The following PPP1R14D variants were observed in gnomAD, a reference collection of about 807,000 sequenced individuals.
The protein encoded by PPP1R14D is protein phosphatase 1 regulatory inhibitor subunit 14D, also known as protein phosphatase 1 regulatory subunit 14D.
PPP1R14D carries 14 observed loss-of-function variants against 17.1 expected under a neutral mutation model. The observed-to-expected ratio is 0.82, with a 90% confidence interval of 0.54 to 1.28. The LOEUF (loss-of-function observed/expected upper bound fraction) is 1.28. PPP1R14D is among the 50% of genes most tolerant of loss of function. The pLI is 0.00. For missense variants in PPP1R14D, 173 were observed against 179.2 expected, an observed-to-expected ratio of 0.97 and a Z score of 0.20; for synonymous variants, 67 against 66.1, an observed-to-expected ratio of 1.01 and a Z score of -0.06.
At chr15:40,823,797 TTTCACAGAA>T (rs1159633341) in intron 1 of PPP1R14D, among the ~76,000 whole-genome samples, 36 of 152,178 alleles carry the variant, frequency 2.4e-4, no homozygotes, top group African/African-American at 7.9e-4. Context: ...CAATGTAGCA[TTTCACAGAA>T]TGTATCCCTG....
intron 1 of PPP1R14D, among the ~76,000 whole-genome samples, chr15:40,821,393 T>A (rs1436043583): frequency 6.6e-6 from 1 of 151,696 alleles, no homozygotes; most frequent in Non-Finnish European, 1.5e-5. Context: ...TTGCATATTT[T>A]AAATGTAAAC....
chr15:40,818,288 CAAAAAAAAAAAA>C (rs764375543), intron 1 of PPP1R14D, among the ~76,000 whole-genome samples: 3 of 37,124 alleles, frequency 8.1e-5, no homozygotes, highest in Admixed American at 2.7e-4. Flanking sequence ...GACTCCATCT[CAAAAAAAAAAAA>C]AAAAAAAAAA....
intron 1 of PPP1R14D, among the ~76,000 whole-genome samples, chr15:40,827,455 C>T (rs993663672): frequency 6.6e-6 from 1 of 151,960 alleles, no homozygotes; most frequent in Non-Finnish European, 1.5e-5. Context: ...TTGCAGTGAG[C>T]CAAAATCACG....
chr15:40,827,120 C>T (rs1250335425), intron 1 of PPP1R14D, among the ~76,000 whole-genome samples: 2 of 152,234 alleles, frequency 1.3e-5, no homozygotes, highest in African/African-American at 2.4e-5. Context: ...ACATTCTAGT[C>T]CCGCACTGTC....
intron 1 of PPP1R14D, among the ~76,000 whole-genome samples, chr15:40,822,458 C>CTT (rs951273824): frequency 6.9e-6 from 1 of 145,746 alleles, no homozygotes; most frequent in African/African-American, 2.5e-5. Flanking sequence ...AGACCAGATT[C>CTT]TTTTTTTTTT....
chr15:40,816,221 G>A lies in PPP1R14D; in HGVS notation c.288C>T (p.Asp96=). Residue 96 remains aspartate, a synonymous_variant, in exon 2 of 4, where the codon GAC becomes GAT. Coordinates refer to ENST00000299174, the MANE Select transcript of PPP1R14D (RefSeq NM_017726.8). ...TGGATAGATCCATGAGAGCTTCCAG[G>A]TCAATCTCAGGCTCAGAAGGGGTTG... is the stretch of plus-strand genomic sequence containing the variant. ...DQATPSEPEI[D]LEALMDLSTE... is the part of the protein sequence containing the mutation. 6.2e-7 allele frequency: 1 copy of A among 1,614,102 alleles called. No homozygotes were observed. Among genetic ancestry groups the A allele is most frequent in the Non-Finnish European group, 8.5e-7 (1 of 1,180,032 alleles).
At chr15:40,826,526 G>GT (rs1217835479) in intron 1 of PPP1R14D, among the ~76,000 whole-genome samples, 5 of 152,094 alleles carry the variant, frequency 3.3e-5, no homozygotes, top group African/African-American at 7.2e-5. Flanking sequence ...CAGGGCATCT[G>GT]TTTTTTTTCT....
chr15:40,816,110 G>A (rs1443857612), intron 2 of PPP1R14D, 60 bp downstream of exon 2: 4 of 1,600,694 alleles, frequency 2.5e-6, no homozygotes, highest in South Asian at 1.1e-5. Flanking sequence ...ACCAAAGGAG[G>A]CAGAACCTGG....
At chr15:40,828,361 C>T in intron 1 of PPP1R14D, 26 bp downstream of exon 1, 1 of 1,551,378 alleles carries the variant, frequency 6.4e-7, no homozygotes, top group Non-Finnish European at 8.7e-7. Flanking sequence ...CCCCCATCTC[C>T]TCCCACTATC....
intron 1 of PPP1R14D, among the ~76,000 whole-genome samples, chr15:40,820,935 G>A (rs1890765276): frequency 6.6e-6 from 1 of 151,202 alleles, no homozygotes; most frequent in Admixed American, 6.6e-5. Flanking sequence ...CCTTAATCTC[G>A]GCACTTTGGT....
chr15:40,824,952 A>C (rs1890845436), intron 1 of PPP1R14D, among the ~76,000 whole-genome samples: 1 of 152,094 alleles, frequency 6.6e-6, no homozygotes, highest in Non-Finnish European at 1.5e-5. Context: ...GAGTGTGGAC[A>C]AGTCCTTTAA....
intron 1 of PPP1R14D, among the ~76,000 whole-genome samples, chr15:40,826,228 C>T (rs1402467795): frequency 6.6e-6 from 1 of 152,110 alleles, no homozygotes; most frequent in Non-Finnish European, 1.5e-5. Flanking sequence ...TGACACATGA[C>T]CCAGTTAGTT....
At chr15:40,827,221 C>T (rs1457222449) in intron 1 of PPP1R14D, among the ~76,000 whole-genome samples, 1 of 152,214 alleles carries the variant, frequency 6.6e-6, no homozygotes, top group African/African-American at 2.4e-5. Flanking sequence ...AGATGTGGCC[C>T]ATGTTGGCTG....
At chr15:40,825,228 T>G (rs550985498) in intron 1 of PPP1R14D, among the ~76,000 whole-genome samples, 384 of 149,636 alleles carry the variant, frequency 2.6e-3, no homozygotes, top group Middle Eastern at 0.014. Flanking sequence ...GAGGTTGCAG[T>G]GAGCCAAGGT....
At chr15:40,821,172 TA>T (rs1473091072) in intron 1 of PPP1R14D, among the ~76,000 whole-genome samples, 1 of 151,770 alleles carries the variant, frequency 6.6e-6, no homozygotes, top group Admixed American at 6.6e-5. Flanking sequence ...CCATCTCTAC[TA>T]AAAATACAAA....
Position 40,821,045 on chromosome 15 carries a change from A to C in PPP1R14D, c.256-4792T>G, listed in dbSNP as rs906336317. Among the ~76,000 whole-genome samples, 10 of 151,582 alleles carry C rather than the reference A, an allele frequency of 6.6e-5. No individual in the cohort carries two copies. The Admixed American group carries it at 6.6e-4, about 10-fold the overall frequency. On this transcript the variant is annotated intron_variant, in intron 1 of 3. Transcript: ENST00000299174. Reference sequence around the variant, plus strand: ...CATTAAAAAAAAAATAAGAAGAAAAAAAAAGAACCAGGCCGGGTGCCGTGG... The same window carrying C: ...CATTAAAAAAAAAATAAGAAGAAAACAAAAGAACCAGGCCGGGTGCCGTGG...
Position 40,828,703 on chromosome 15 carries a change from G to T in PPP1R14D, c.-62C>A. The T allele has an allele frequency of 1.3e-6, 2 of 1,523,124 alleles. No individual in the cohort carries two copies. Among genetic ancestry groups the T allele is most frequent in the South Asian group, 2.6e-5 (2 of 76,514 alleles). 94.4% of individuals were successfully genotyped at this position (1,523,124 alleles called of 1,614,324 possible). On this transcript the variant is annotated 5_prime_UTR_variant, in exon 1 of 4. Transcript: ENST00000299174. ...GCCAGTTCTGAGCAGAGCCACAGAGGGAAGTGAGGAGACAGAGAACAGGAG... is the reference window on the plus strand; with the variant it reads ...GCCAGTTCTGAGCAGAGCCACAGAGTGAAGTGAGGAGACAGAGAACAGGAG...
chr15:40,822,852 C>G (rs1339614631), intron 1 of PPP1R14D, among the ~76,000 whole-genome samples: 1 of 151,846 alleles, frequency 6.6e-6, no homozygotes, highest in African/African-American at 2.4e-5. Context: ...TTCTGTCACC[C>G]AGGCTGCACA....
intron 1 of PPP1R14D, among the ~76,000 whole-genome samples, chr15:40,823,996 TAAAA>T (rs397943870): frequency 2.4e-5 from 3 of 126,416 alleles, no homozygotes; most frequent in Non-Finnish European, 3.4e-5. Context: ...CCATCTCCAT[TAAAA>T]AAAAAAAAAA....
Sources: allele counts gnomAD v4.1 joint callset (sites outside exome capture counted in the v4.1 genomes callset), GRCh38; gene constraint gnomAD v4.1.1; transcripts MANE v1.5; gene names NCBI Gene and HGNC (gene_info 2026-07-23, HGNC 2026-07-21).